The following PLEKHA5 variants were observed in gnomAD, a reference collection of about 807,000 sequenced individuals.
PLEKHA5 encodes the protein pleckstrin homology domain-containing family A member 5.
In PLEKHA5, 55 loss-of-function variants were observed where a neutral mutation model predicts 181.9. That is an observed-to-expected ratio of 0.30 (90% CI 0.24 to 0.38). PLEKHA5 has a LOEUF of 0.38. PLEKHA5 is among the 10% of genes least tolerant of loss of function. The pLI, the probability that PLEKHA5 is intolerant of heterozygous loss-of-function variation, is 1.00. For synonymous variants in PLEKHA5, 535 were observed against 529.4 expected, an observed-to-expected ratio of 1.01 and a Z score of -0.15; for missense variants, 1,432 against 1,549.5, an observed-to-expected ratio of 0.92 and a Z score of 1.27.
intron 5 of PLEKHA5, among the ~76,000 whole-genome samples, chr12:19,257,198 T>A (rs2067102293): frequency 6.6e-6 from 1 of 152,126 alleles, no homozygotes; most frequent in Non-Finnish European, 1.5e-5. Flanking sequence ...CTATCCAGAT[T>A]TTAAAGGAAA....
intron 3 of PLEKHA5, among the ~76,000 whole-genome samples, chr12:19,149,011 G>A (rs191930620): frequency 6.6e-6 from 1 of 152,172 alleles, no homozygotes; most frequent in East Asian, 1.9e-4. Flanking sequence ...AAGTCCTTTG[G>A]GGTTGTGAGT....
At chr12:19,283,184 T>G (rs2152801489) in intron 11 of PLEKHA5, 96 bp from the exon 12 acceptor site, 2 of 639,890 alleles carry the variant, frequency 3.1e-6, no homozygotes, top group Non-Finnish European at 2.5e-6. Context: ...TTCTAATGTA[T>G]ATTTTACTTA....
chr12:19,130,391 C>G lies in PLEKHA5; in HGVS notation c.169+261C>G, dbSNP rs1485802822. 6.6e-6 allele frequency among the ~76,000 whole-genome samples: 1 copy of G among 151,998 alleles called. No individual in the cohort carries two copies. Among genetic ancestry groups the G allele is most frequent in the South Asian group, 2.1e-4 (1 of 4,810 alleles). On this transcript the variant is annotated intron_variant, in intron 2 of 31. Transcript: ENST00000429027. This position sits in a 1 kb window ranked among gnomAD's most constrained non-coding sequence, Gnocchi z 4.5. ...GCCCTCTTCCTGCGCCTTCTCCCCC[C>G]ATCCCAGCCTAGACGACCCTCGCGA...
chr12:19,200,595 ACTAT>A lies in PLEKHA5; in HGVS notation c.228-53343_228-53340del, dbSNP rs1442596216. The A allele has an allele frequency of 3.4e-6, 4 of 1,191,486 alleles. No individual in the cohort carries two copies. In the African/African-American group the frequency reaches 4.7e-5, roughly 14 times the overall value. The allele number at this position is 1,191,486 out of a possible 1,614,324, so 73.8% of individuals were successfully genotyped here. A position where few individuals can be genotyped will look rare whatever the true frequency, so the allele number is the denominator to read the frequency against. ...TCATACCTTGGAGAAGAAAGTAGAA[ACTAT>A]CAGGCCTGAACTTCATTAGCTTTTT... is the stretch of plus-strand genomic sequence containing the variant. On this transcript the variant is annotated intron_variant, in intron 3 of 31. Coordinates refer to ENST00000429027, the MANE Select transcript of PLEKHA5 (RefSeq NM_001256470.2).
intron 3 of PLEKHA5, among the ~76,000 whole-genome samples, chr12:19,211,031 A>T (rs1279907491): frequency 6.6e-6 from 1 of 152,170 alleles, no homozygotes; most frequent in Non-Finnish European, 1.5e-5. Context: ...TTTAAGGCTT[A>T]AGGAGGTATT....
intron 3 of PLEKHA5, among the ~76,000 whole-genome samples, chr12:19,132,773 C>CTTTTTTTTTTTT (rs59992820): frequency 8.9e-6 from 1 of 112,122 alleles, no homozygotes; most frequent in Non-Finnish European, 1.7e-5. Context: ...CCACAATTAC[C>CTTTTTTTTTTTT]TTTTTTTTTT....
intron 25 of PLEKHA5, among the ~76,000 whole-genome samples, chr12:19,348,897 G>A (rs2094457974): frequency 6.6e-6 from 1 of 152,092 alleles, no homozygotes; most frequent in South Asian, 2.1e-4. Flanking sequence ...AGGAGGTGCA[G>A]GCTGCAGTGA....
At chr12:19,132,183 C>G (rs922601351) in intron 2 of PLEKHA5, among the ~76,000 whole-genome samples, 3 of 152,118 alleles carry the variant, frequency 2.0e-5, no homozygotes, top group Non-Finnish European at 2.9e-5. Context: ...CAGATAATCT[C>G]TAATATTATG....
At chr12:19,334,826 A>AT (rs2093206440) in intron 20 of PLEKHA5, among the ~76,000 whole-genome samples, 1 of 37,610 alleles carries the variant, frequency 2.7e-5, no homozygotes, top group African/African-American at 8.5e-5. Context: ...CACAAAAAAA[A>AT]AAAATATATA....
At chr12:19,179,624 G>A (rs535371905) in intron 3 of PLEKHA5, among the ~76,000 whole-genome samples, 1 of 152,100 alleles carries the variant, frequency 6.6e-6, no homozygotes, top group Admixed American at 6.5e-5. Flanking sequence ...TGCACCGTTG[G>A]ACTCCAGCCT....
At position 19,361,448 on chromosome 12, in the gene PLEKHA5, G is replaced by A. The variant is rs577870481; in HGVS notation, c.3484-134G>A. ...TCCGCCCTTCTCGGCCTCCCAAAGT[G>A]CTGGGATTACAGGCGTGAGCCATCA... On this transcript the variant is annotated intron_variant, in intron 28 of 31. Transcript: ENST00000429027. 1.3e-4 allele frequency: 74 copies of A among 570,896 alleles called. 1 individual carries two copies. The highest frequency in any genetic ancestry group is 6.5e-4 in the South Asian group (29 of 44,630). The allele number at this position is 570,896 out of a possible 1,614,324, so 35.4% of individuals were successfully genotyped here.
chr12:19,148,213 C>T (rs555601458), intron 3 of PLEKHA5, among the ~76,000 whole-genome samples: 53 of 152,278 alleles, frequency 3.5e-4, no homozygotes, highest in African/African-American at 1.1e-3. Flanking sequence ...CCTGCCACCA[C>T]GCCTGACTAA....
In PLEKHA5 at chr12:19,267,761, CA is replaced by C. The variant is rs1349410972; in HGVS notation, c.711+1913del. 4.6e-5 allele frequency among the ~76,000 whole-genome samples: 7 copies of C among 151,748 alleles called. No individual in the cohort carries two copies. In the East Asian group the frequency reaches 1.2e-3, roughly 25 times the overall value. ...GGCAGATCACCTGAGGTCAGGAGTT[CA>C]AGACCAGCTTGACCAACATGGAAAA... is the stretch of plus-strand genomic sequence containing the variant. On this transcript the variant is annotated intron_variant, in intron 8 of 31. Coordinates refer to ENST00000429027, the MANE Select transcript of PLEKHA5 (RefSeq NM_001256470.2).
chr12:19,258,820 C>T (rs2067573574), intron 6 of PLEKHA5, among the ~76,000 whole-genome samples: 1 of 152,108 alleles, frequency 6.6e-6, no homozygotes, highest in Admixed American at 6.5e-5. Context: ...CCACCTTGGC[C>T]TCTCAAAGTG....
intron 31 of PLEKHA5, chr12:19,373,145 C>G (rs1169280502): frequency 6.6e-6 from 1 of 152,170 alleles, no homozygotes; most frequent in Non-Finnish European, 1.5e-5. Context: ...TTTGGGAGGC[C>G]AGGGCTGGTG....
At chr12:19,270,517 C>A (rs534759714) in intron 10 of PLEKHA5, among the ~76,000 whole-genome samples, 54 of 152,170 alleles carry the variant, frequency 3.5e-4, no homozygotes, top group African/African-American at 1.2e-3. Flanking sequence ...TATTGAAACT[C>A]CACTACTCAG....
At chr12:19,141,285 A>T (rs904628146) in intron 3 of PLEKHA5, among the ~76,000 whole-genome samples, 26 of 152,290 alleles carry the variant, frequency 1.7e-4, no homozygotes, top group Middle Eastern at 3.4e-3. Flanking sequence ...GTTGCAAATT[A>T]AAAAAATCTC....
At chr12:19,150,030 G>T (rs531258284) in intron 3 of PLEKHA5, 1 of 152,234 alleles carries the variant, frequency 6.6e-6, no homozygotes, top group South Asian at 2.1e-4. Flanking sequence ...ATCCATGTAA[G>T]GTACATGCTG....
chr12:19,281,245 A>G (rs2076069353), intron 11 of PLEKHA5, among the ~76,000 whole-genome samples: 1 of 150,910 alleles, frequency 6.6e-6, no homozygotes, highest in South Asian at 2.1e-4. Context: ...AAAAAAAAGT[A>G]TGTTTGTATT....
Sources: gnomAD v4.1 joint callset for allele counts (sites outside exome capture counted in the v4.1 genomes callset) on GRCh38, gnomAD v4.1.1 for gene constraint, Gnocchi (gnomAD v3.1) non-coding constraint, MANE v1.5 for transcripts, NCBI Gene and HGNC (gene_info 2026-07-23, HGNC 2026-07-21) for gene names.